Variants in MTHFD2L observed in about 807,000 individuals in gnomAD.
The protein encoded by MTHFD2L is bifunctional methylenetetrahydrofolate dehydrogenase/cyclohydrolase 2, mitochondrial.
A neutral mutation model predicts 34.9 loss-of-function variants in MTHFD2L; 29 were observed. The ratio of observed to expected loss-of-function variants is 0.83; its 90% confidence interval spans 0.62 to 1.13. The LOEUF is 1.13. MTHFD2L is among the 50% of genes most tolerant of loss of function. MTHFD2L has a pLI of 0.00. For missense variants in MTHFD2L, 481 were observed against 446.5 expected (o/e 1.08, Z -0.70); for synonymous variants, 167 against 155.7 (o/e 1.07, Z -0.54).
intron 3 of MTHFD2L, chr4:74,183,633 C>G (rs908129337): frequency 2.0e-5 from 3 of 151,894 alleles, no homozygotes; most frequent in Non-Finnish European, 2.9e-5. Flanking sequence ...GCCTGGGCAA[C>G]AGAGCAAGAC....
rs1722990110 is a variant in MTHFD2L, at chr4:74,137,164, A to G, written c.-297+11647A>G. 2.0e-5 allele frequency among the ~76,000 whole-genome samples: 3 copies of G among 152,200 alleles called. No individual in the cohort carries two copies. The South Asian group carries it at 6.2e-4, about 31-fold the overall frequency. On this transcript the variant is annotated intron_variant, in intron 1 of 7. Transcript: ENST00000433372. Reference sequence around the variant, plus strand: ...TTTTGAATAGCAAAGGAAACAATCAACAGAGTGAAGAAACAACCCAGAATG... The same window carrying G: ...TTTTGAATAGCAAAGGAAACAATCAGCAGAGTGAAGAAACAACCCAGAATG...
At chr4:74,290,337 G>T (rs1748728892) in intron 7 of MTHFD2L, among the ~76,000 whole-genome samples, 1 of 152,094 alleles carries the variant, frequency 6.6e-6, no homozygotes, top group African/African-American at 2.4e-5. Flanking sequence ...TTCTTTTAAT[G>T]CTTTGTATTT....
intron 6 of MTHFD2L, among the ~76,000 whole-genome samples, chr4:74,247,202 G>A (rs1030534664): frequency 1.3e-5 from 2 of 151,836 alleles, no homozygotes; most frequent in Non-Finnish European, 2.9e-5. Context: ...CATGTCCCTT[G>A]TAAGTTGGAT....
At chr4:74,139,780 A>G (rs1723169089) in intron 1 of MTHFD2L, among the ~76,000 whole-genome samples, 1 of 151,960 alleles carries the variant, frequency 6.6e-6, no homozygotes, top group Non-Finnish European at 1.5e-5. Context: ...TTCTCTTTTA[A>G]TTTTCCTTTG....
intron 5 of MTHFD2L, among the ~76,000 whole-genome samples, chr4:74,207,313 T>C (rs547917510): frequency 7.5e-4 from 115 of 152,328 alleles, no homozygotes; most frequent in Non-Finnish European, 1.3e-3. Flanking sequence ...ATGCCGCTCC[T>C]TTGACTAAAA....
chr4:74,210,882 C>A (rs2110082327), intron 5 of MTHFD2L, among the ~76,000 whole-genome samples: 1 of 152,166 alleles, frequency 6.6e-6, no homozygotes, highest in Non-Finnish European at 1.5e-5. Flanking sequence ...GTTTGTAGTT[C>A]TCCTTGAAGA....
At chr4:74,167,002 C>A (rs1230335740) in intron 1 of MTHFD2L, among the ~76,000 whole-genome samples, 1 of 151,898 alleles carries the variant, frequency 6.6e-6, no homozygotes, top group African/African-American at 2.4e-5. Context: ...GGCTGGTCCC[C>A]ATGGACTCAG....
chr4:74,168,140 C>T (rs543098968), intron 1 of MTHFD2L, among the ~76,000 whole-genome samples: 4 of 152,254 alleles, frequency 2.6e-5, no homozygotes, highest in South Asian at 4.1e-4. Context: ...GTGAAAGTCA[C>T]GTCAAAATCT....
At chr4:74,160,890 C>T (rs1725290578) in intron 1 of MTHFD2L, 1 of 152,184 alleles carries the variant, frequency 6.6e-6, no homozygotes, top group Admixed American at 6.5e-5. Flanking sequence ...TTGCAGGTAT[C>T]CTGCAACACA....
intron 5 of MTHFD2L, among the ~76,000 whole-genome samples, chr4:74,218,620 C>T (rs535233405): frequency 6.6e-6 from 1 of 151,538 alleles, no homozygotes; most frequent in African/African-American, 2.4e-5. Flanking sequence ...TCAAGCCCCC[C>T]CCCCACCACC....
chr4:74,181,036 A>G (rs16850579), intron 3 of MTHFD2L, among the ~76,000 whole-genome samples: 7,566 of 152,136 alleles, frequency 0.05, 590 homozygotes, highest in African/African-American at 0.17. Flanking sequence ...TTAGAAAAAT[A>G]GTCTTTTAAA....
chr4:74,171,005 C>T (rs1727845288), intron 1 of MTHFD2L, among the ~76,000 whole-genome samples: 1 of 150,374 alleles, frequency 6.7e-6, no homozygotes, highest in South Asian at 2.1e-4. Context: ...GGAGGGATAG[C>T]ATTAGGAGAT....
At chr4:74,216,725 G>A (rs1191578194) in intron 5 of MTHFD2L, among the ~76,000 whole-genome samples, 1 of 150,842 alleles carries the variant, frequency 6.6e-6, no homozygotes, top group African/African-American at 2.5e-5. Context: ...TGATTGATCA[G>A]TCAATCCTTG....
intron 3 of MTHFD2L, among the ~76,000 whole-genome samples, chr4:74,191,590 G>T (rs2110022805): frequency 6.6e-6 from 1 of 152,012 alleles, no homozygotes; most frequent in South Asian, 2.1e-4. Context: ...TTGCACTGTT[G>T]CCTGGGCTGG....
intron 5 of MTHFD2L, among the ~76,000 whole-genome samples, chr4:74,220,829 G>A (rs1428131890): frequency 1.3e-5 from 2 of 150,690 alleles, no homozygotes; most frequent in African/African-American, 4.8e-5. Context: ...TGGTTTTTCA[G>A]ATTTATCAAG....
chr4:74,238,451 C>CT (rs1264770013), intron 6 of MTHFD2L, among the ~76,000 whole-genome samples: 1 of 152,096 alleles, frequency 6.6e-6, no homozygotes, highest in Non-Finnish European at 1.5e-5. Flanking sequence ...GACTTCATGA[C>CT]TAAAACATCA....
chr4:74,230,990 A>C (rs934078525), intron 6 of MTHFD2L, among the ~76,000 whole-genome samples: 3 of 152,002 alleles, frequency 2.0e-5, no homozygotes, highest in African/African-American at 7.2e-5. Context: ...CTTGCATGTC[A>C]AGCTCTGGAT....
chr4:74,270,591 T>A (rs1269584393), intron 6 of MTHFD2L, among the ~76,000 whole-genome samples: 1 of 152,226 alleles, frequency 6.6e-6, no homozygotes, highest in Admixed American at 6.5e-5. Flanking sequence ...TTGGGTTGGT[T>A]CCAAGTCTTT....
chr4:74,130,222 CCTAA>C (rs1273535930), intron 1 of MTHFD2L, among the ~76,000 whole-genome samples: 1 of 152,124 alleles, frequency 6.6e-6, no homozygotes, highest in African/African-American at 2.4e-5. Context: ...GAGACTCCTC[CCTAA>C]CTCATTTTAT....
Sources: gnomAD v4.1 joint callset for allele counts (sites outside exome capture counted in the v4.1 genomes callset) on GRCh38, gnomAD v4.1.1 for gene constraint, MANE v1.5 for transcripts, NCBI Gene and HGNC (gene_info 2026-07-23, HGNC 2026-07-21) for gene names.